KALRN: variants seen among roughly 807,000 people sequenced by gnomAD.
KALRN encodes the protein kalirin.
In KALRN, 70 loss-of-function variants were observed where a neutral mutation model predicts 353.7. The ratio of observed to expected loss-of-function variants is 0.20; its 90% confidence interval spans 0.16 to 0.24. KALRN has a LOEUF of 0.24. KALRN is among the 10% of genes least tolerant of loss of function. KALRN has a pLI of 1.00. For synonymous variants in KALRN, 1,391 were observed against 1,434.8 expected (o/e 0.97, Z 0.69); for missense variants, 2,791 against 3,756.7 (o/e 0.74, Z 6.72).
intron 5 of KALRN, among the ~76,000 whole-genome samples, chr3:124,279,439 G>C (rs1464465316): frequency 6.6e-6 from 1 of 152,166 alleles, no homozygotes; most frequent in Non-Finnish European, 1.5e-5. Flanking sequence ...ATCAGCAGTG[G>C]ATAGATGCCT....
intron 47 of KALRN, among the ~76,000 whole-genome samples, chr3:124,669,408 A>C (rs2086095841): frequency 6.6e-6 from 1 of 152,244 alleles, no homozygotes; most frequent in Non-Finnish European, 1.5e-5. Context: ...TAAGTTATGC[A>C]AATGGAGGCT....
rs1315490225 is a variant in KALRN at position 124,723,933 on chromosome 3, A to T, written c.*4463A>T. The T allele has an allele frequency of 1.3e-5, 2 of 152,206 alleles. No individual in the cohort carries two copies. The highest frequency in any genetic ancestry group is 2.4e-5 in the African/African-American group (1 of 41,454). The allele number at this position is 152,206 out of a possible 1,614,324, so 9.4% of individuals were successfully genotyped here. The stretch of plus-strand genomic sequence containing the variant: ...TCTCATACCACAATTTATTTTTCAC[A>T]GCCTCACAGGAATCTAAGAGACAAA... On this transcript the variant is annotated 3_prime_UTR_variant, in exon 60 of 60. Transcript: ENST00000682506.
chr3:124,642,345 T>C (rs554288628), intron 37 of KALRN, among the ~76,000 whole-genome samples: 30 of 152,142 alleles, frequency 2.0e-4, no homozygotes, highest in African/African-American at 7.2e-4. Context: ...AGAAAGCCCC[T>C]TTCTGAGCTC....
chr3:124,555,971 A>G (rs1010605962), intron 33 of KALRN, among the ~76,000 whole-genome samples: 1 of 152,214 alleles, frequency 6.6e-6, no homozygotes, highest in African/African-American at 2.4e-5. Flanking sequence ...TACTCTATTT[A>G]TCAAATATTA....
At chr3:124,329,411 G>A (rs1356119190) in intron 7 of KALRN, among the ~76,000 whole-genome samples, 2 of 152,072 alleles carry the variant, frequency 1.3e-5, no homozygotes, top group Non-Finnish European at 2.9e-5. Flanking sequence ...GGTGTTTTTT[G>A]CTTGTCTTCA....
At chr3:124,602,946 T>TGTTGTTGTTGTTTTG (rs1306270170) in intron 34 of KALRN, among the ~76,000 whole-genome samples, 36,849 of 151,408 alleles carry the variant, frequency 0.24, 4,683 homozygotes, top group East Asian at 0.33. Flanking sequence ...CGTGGTTTTT[T>TGTTGTTGTTGTTTTG]TTTTGTTGTT....
chr3:124,298,867 C>T lies in KALRN; in HGVS notation c.1046C>T (p.Ala349Val), dbSNP rs1321579749. 1.2e-6 allele frequency: 2 copies of T among 1,614,180 alleles called. No homozygotes were observed. Among genetic ancestry groups the T allele is most frequent in the East Asian group, 2.2e-5 (1 of 44,886 alleles). ...HTEIGVSYQY[A>V]LDLQTQHNHF... ...GAGATCGGAGTCAGCTACCAGTACG[C>T]CCTTGACCTCCAGACGCAGCACAAT... The change falls in exon 6 of 60, where the codon GCC becomes GTC. Residue 349 changes from alanine (A) to valine (V), a missense_variant. Transcript: ENST00000682506.
At chr3:124,628,735 C>G (rs2080390302) in intron 34 of KALRN, among the ~76,000 whole-genome samples, 1 of 143,416 alleles carries the variant, frequency 7.0e-6, no homozygotes, top group Non-Finnish European at 1.5e-5. Context: ...GCCACCACAC[C>G]TGGCTAATTT....
chr3:124,629,356 T>G (rs1228562706), intron 34 of KALRN, among the ~76,000 whole-genome samples: 1 of 152,150 alleles, frequency 6.6e-6, no homozygotes, highest in African/African-American at 2.4e-5. Context: ...GTTGCCAAGA[T>G]TCGTTAAAAA....
chr3:124,570,387 A>G (rs1248590684), intron 34 of KALRN, among the ~76,000 whole-genome samples: 3 of 152,158 alleles, frequency 2.0e-5, no homozygotes, highest in African/African-American at 4.8e-5. Flanking sequence ...AATTGACTAG[A>G]TGTGAGGTAG....
intron 55 of KALRN, 44 bp from the exon 56 acceptor site, chr3:124,699,825 C>T (rs753228159): frequency 1.9e-5 from 31 of 1,592,176 alleles, no homozygotes; most frequent in Non-Finnish European, 2.6e-5. Context: ...AAACAATATC[C>T]CTTTGGCTTT....
intron 7 of KALRN, among the ~76,000 whole-genome samples, chr3:124,327,165 A>T (rs2080001889): frequency 6.6e-6 from 1 of 152,224 alleles, no homozygotes; most frequent in Non-Finnish European, 1.5e-5. Flanking sequence ...AAAATGAGGG[A>T]GAAAGTGTTT....
chr3:124,167,063 A>C (rs767558079), intron 1 of KALRN, among the ~76,000 whole-genome samples: 1 of 152,098 alleles, frequency 6.6e-6, no homozygotes, highest in Non-Finnish European at 1.5e-5. Context: ...AATAATAATG[A>C]TATTATAATA....
At chr3:124,506,465 A>T (rs966658589) in intron 33 of KALRN, among the ~76,000 whole-genome samples, 3 of 151,642 alleles carry the variant, frequency 2.0e-5, no homozygotes, top group Admixed American at 6.6e-5. Flanking sequence ...AGATAGTCTA[A>T]TTTTTTTTTC....
chr3:124,563,494 C>G (rs1442583778), intron 34 of KALRN, among the ~76,000 whole-genome samples: 1 of 152,160 alleles, frequency 6.6e-6, no homozygotes, highest in South Asian at 2.1e-4. Context: ...CTCTGACCCC[C>G]GACCAAGTAC....
At chr3:124,329,571 A>G (rs2080291126) in intron 7 of KALRN, among the ~76,000 whole-genome samples, 1 of 152,208 alleles carries the variant, frequency 6.6e-6, no homozygotes, top group Non-Finnish European at 1.5e-5. Context: ...TGGACATTAC[A>G]GTTAGTGTGT....
At chr3:124,656,897 G>A (rs540727919) in intron 39 of KALRN, among the ~76,000 whole-genome samples, 57 of 152,194 alleles carry the variant, frequency 3.7e-4, no homozygotes, top group African/African-American at 1.3e-3. Flanking sequence ...AGTAGAGGAC[G>A]AGGGAATCTG....
intron 44 of KALRN, 58 bp from the exon 45 acceptor site, chr3:124,661,793 A>C: frequency 1.6e-4 from 215 of 1,345,162 alleles, no homozygotes; most frequent in Non-Finnish European, 2.1e-4. Context: ...TGAATTACCA[A>C]GAGCTTCCTG....
At chr3:124,572,749 A>G (rs1255843379) in intron 34 of KALRN, among the ~76,000 whole-genome samples, 1 of 152,236 alleles carries the variant, frequency 6.6e-6, no homozygotes, top group Non-Finnish European at 1.5e-5. Context: ...TTACCTCGGT[A>G]TGCAGTAGAC....
Sources: gnomAD v4.1 joint callset for allele counts (sites outside exome capture counted in the v4.1 genomes callset) on GRCh38, gnomAD v4.1.1 for gene constraint, MANE v1.5 for transcripts, NCBI Gene and HGNC (gene_info 2026-07-23, HGNC 2026-07-21) for gene names.